Variants in KHDRBS2 observed in about 807,000 individuals in gnomAD.
The protein encoded by KHDRBS2 is KH RNA binding domain containing, signal transduction associated 2.
A neutral mutation model predicts 44.3 loss-of-function variants in KHDRBS2; 26 were observed. That is an observed-to-expected ratio of 0.59 (90% confidence interval 0.43 to 0.81). The LOEUF is 0.81. KHDRBS2 is among the 40% of genes least tolerant of loss of function. The probability of loss-of-function intolerance (pLI) is 0.00; values close to 1 mark genes in which losing one functional copy is unlikely to be tolerated. For missense variants in KHDRBS2, 476 were observed against 433.1 expected (o/e 1.10, Z -0.88); for synonymous variants, 194 against 151.1 (o/e 1.28, Z -2.08).
At chr6:61,850,059 T>C (rs1162535417) in intron 6 of KHDRBS2, among the ~76,000 whole-genome samples, 2 of 152,142 alleles carry the variant, frequency 1.3e-5, no homozygotes, top group African/African-American at 4.8e-5. Flanking sequence ...TCCTTGTTAC[T>C]CAAAGATGTG....
rs1250768072 is a variant in KHDRBS2, at chr6:61,908,373, A to G, written c.484-7002T>C. 2.6e-5 allele frequency among the ~76,000 whole-genome samples: 4 copies of G among 151,968 alleles called. No homozygotes were observed. In the East Asian group the frequency reaches 5.8e-4, roughly 22 times the overall value. On this transcript the variant is annotated intron_variant, in intron 4 of 8. Coordinates refer to ENST00000281156, the MANE Select transcript of KHDRBS2 (RefSeq NM_152688.4). ...ACATAGGCTGGGCGTGGTGGCTCAT[A>G]CTTGTAATCCCAGCACTTTGGGAGG...
chr6:61,595,120 A>G, the KHDRBS2 span, among the ~76,000 whole-genome samples: 2 of 152,284 alleles, frequency 1.3e-5, no homozygotes, highest in Non-Finnish European at 2.9e-5. Flanking sequence ...AATACTATAT[A>G]AAATTCTTAT....
chr6:61,765,977 A>G (rs947106929), intron 6 of KHDRBS2, among the ~76,000 whole-genome samples: 1 of 152,052 alleles, frequency 6.6e-6, no homozygotes, highest in Non-Finnish European at 1.5e-5. Context: ...TTTTAGTATC[A>G]GGGTAATACT....
the KHDRBS2 span, among the ~76,000 whole-genome samples, chr6:61,602,156 G>T: frequency 1.3e-5 from 2 of 151,988 alleles, no homozygotes; most frequent in Non-Finnish European, 2.9e-5. Context: ...ATTAAATTCT[G>T]GCCCTCAAAT....
chr6:61,964,468 C>T (rs1030009600), intron 4 of KHDRBS2, among the ~76,000 whole-genome samples: 2 of 152,022 alleles, frequency 1.3e-5, no homozygotes, highest in African/African-American at 4.8e-5. Context: ...AGCATATTCA[C>T]TGTCAACTTA....
chr6:61,804,535 T>C (rs1786822659), intron 6 of KHDRBS2, among the ~76,000 whole-genome samples: 1 of 152,212 alleles, frequency 6.6e-6, no homozygotes, highest in Non-Finnish European at 1.5e-5. Flanking sequence ...CTCTCCCTTC[T>C]GCACTGCCTT....
the KHDRBS2 span, among the ~76,000 whole-genome samples, chr6:61,651,672 C>A: frequency 6.6e-6 from 1 of 152,070 alleles, no homozygotes; most frequent in Non-Finnish European, 1.5e-5. Context: ...GGAACCAGGA[C>A]TTGAAACCAA....
chr6:61,807,934 C>T (rs773742060), intron 6 of KHDRBS2, among the ~76,000 whole-genome samples: 1 of 152,092 alleles, frequency 6.6e-6, no homozygotes, highest in African/African-American at 2.4e-5. Context: ...CCATAAGACT[C>T]ACACTGGATA....
the KHDRBS2 span, among the ~76,000 whole-genome samples, chr6:61,581,337 T>A: frequency 6.6e-6 from 1 of 152,238 alleles, no homozygotes; most frequent in South Asian, 2.1e-4. Context: ...AACAAACTTT[T>A]ACTTTTGAGT....
intron 3 of KHDRBS2, among the ~76,000 whole-genome samples, chr6:61,980,979 C>T (rs1240645027): frequency 1.3e-5 from 2 of 152,148 alleles, no homozygotes; most frequent in Non-Finnish European, 1.5e-5. Flanking sequence ...GTATGTTATA[C>T]ACATGTTTAC....
intron 7 of KHDRBS2, among the ~76,000 whole-genome samples, chr6:61,700,141 GGCATTAAGGGAA>G (rs66650895): frequency 0.34 from 50,877 of 151,484 alleles, 9,811 homozygotes; most frequent in East Asian, 0.48. Flanking sequence ...GGAAAATGCT[GGCATTAAGGGAA>G]GCTTCTCCTT....
intron 4 of KHDRBS2, among the ~76,000 whole-genome samples, chr6:61,946,999 C>T (rs1206977240): frequency 6.6e-6 from 1 of 152,052 alleles, no homozygotes; most frequent in African/African-American, 2.4e-5. Context: ...GATAAAAATC[C>T]AACAGAAATA....
chr6:61,861,826 T>G (rs1797026515), intron 6 of KHDRBS2, among the ~76,000 whole-genome samples: 1 of 152,174 alleles, frequency 6.6e-6, no homozygotes. Context: ...TTCACGATAG[T>G]GATCCTTCCT....
intron 3 of KHDRBS2, among the ~76,000 whole-genome samples, chr6:62,008,985 T>C (rs1164159121): frequency 2.0e-5 from 3 of 152,058 alleles, no homozygotes; most frequent in Non-Finnish European, 4.4e-5. Context: ...GGGGTACAGC[T>C]GAAAAGATAC....
At chr6:62,075,479 C>A (rs1162092743) in intron 2 of KHDRBS2, among the ~76,000 whole-genome samples, 1 of 151,910 alleles carries the variant, frequency 6.6e-6, no homozygotes, top group South Asian at 2.1e-4. Context: ...TACCAATGGT[C>A]CTGGTTCAAT....
intron 4 of KHDRBS2, among the ~76,000 whole-genome samples, chr6:61,955,174 A>G (rs1203804216): frequency 1.7e-4 from 25 of 144,908 alleles, no homozygotes; most frequent in African/African-American, 6.0e-4. Context: ...ACATATGTGT[A>G]TATACACATA....
intron 4 of KHDRBS2, among the ~76,000 whole-genome samples, chr6:61,955,269 C>A (rs1470872106): frequency 8.0e-6 from 1 of 124,808 alleles, no homozygotes; most frequent in African/African-American, 2.8e-5. Context: ...TATACATATA[C>A]GTGTAAATAT....
intron 4 of KHDRBS2, among the ~76,000 whole-genome samples, chr6:61,966,926 C>G (rs1192451): frequency 0.66 from 99,689 of 151,564 alleles, 32,939 homozygotes; most frequent in African/African-American, 0.73. Context: ...TAAAAATGAG[C>G]CTAATTTAAA....
intron 2 of KHDRBS2, among the ~76,000 whole-genome samples, chr6:62,077,206 GT>G (rs1796522033): frequency 6.6e-6 from 1 of 151,948 alleles, no homozygotes; most frequent in African/African-American, 2.4e-5. Flanking sequence ...ACCATATTAA[GT>G]TCATTCTTTT....
Sources: gnomAD v4.1 joint callset for allele counts (sites outside exome capture counted in the v4.1 genomes callset) on GRCh38, gnomAD v4.1.1 for gene constraint, MANE v1.5 for transcripts, NCBI Gene and HGNC (gene_info 2026-07-23, HGNC 2026-07-21) for gene names.